The following PTPN21 variants were observed in gnomAD, a reference collection of about 807,000 sequenced individuals.
PTPN21 encodes protein tyrosine phosphatase non-receptor type 21.
PTPN21 carries 77 observed loss-of-function variants against 131.8 expected under a neutral mutation model. That is an observed-to-expected ratio of 0.58 (90% CI 0.49 to 0.71). PTPN21 has a LOEUF of 0.71. Ranked by LOEUF, PTPN21 falls within the 30% of genes least tolerant of loss-of-function variation. The probability of loss-of-function intolerance (pLI) is 0.00; values close to 1 mark genes in which losing one functional copy is unlikely to be tolerated. For synonymous variants in PTPN21, 715 were observed against 621.3 expected (o/e 1.15, Z -2.24); for missense variants, 1,552 against 1,527.1 (o/e 1.02, Z -0.27).
Position 88,479,863 on chromosome 14 carries a change from G to T in PTPN21, c.1568C>A (p.Pro523His). 1 of 1,572,626 alleles carries T rather than the reference G, an allele frequency of 6.4e-7. No homozygotes were observed. ...SLSYSFHSPSPYPYPAERRPV... is the reference protein window; with the variant it reads ...SLSYSFHSPSHYPYPAERRPV... Reference sequence around the variant, plus strand: ...CCGCCGCTCGGCAGGGTAGGGGTAGGGAGACGGGCTGTGGAAGCTGTAGCT... The same window carrying T: ...CCGCCGCTCGGCAGGGTAGGGGTAGTGAGACGGGCTGTGGAAGCTGTAGCT... The change falls in exon 13 of 19, where the codon CCC becomes CAC. Residue 523 changes from proline to histidine, a missense_variant. Transcript: ENST00000556564.
chr14:88,523,716 GACACACAC>G (rs71126989), intron 2 of PTPN21, among the ~76,000 whole-genome samples: 3,044 of 144,458 alleles, frequency 0.021, 37 homozygotes, highest in African/African-American at 0.025. Context: ...CCCCAACCGT[GACACACAC>G]ACACACACAC....
chr14:88,505,631 C>T (rs183562653), intron 4 of PTPN21, among the ~76,000 whole-genome samples: 197 of 152,196 alleles, frequency 1.3e-3, no homozygotes, highest in Non-Finnish European at 2.2e-3. Context: ...TCTCATTTTA[C>T]AGTTAAAATG....
At chr14:88,509,221 A>T (rs2078142158) in intron 3 of PTPN21, among the ~76,000 whole-genome samples, 1 of 152,128 alleles carries the variant, frequency 6.6e-6, no homozygotes, top group Non-Finnish European at 1.5e-5. Flanking sequence ...GGTCTATTAT[A>T]TGTTAAGCAT....
chr14:88,513,011 A>G (rs745387226), intron 3 of PTPN21, among the ~76,000 whole-genome samples: 2 of 152,190 alleles, frequency 1.3e-5, no homozygotes, highest in Non-Finnish European at 2.9e-5. Flanking sequence ...TATAGTCTAT[A>G]AAGAAAAGAT....
chr14:88,524,607 T>G (rs1439629999), intron 2 of PTPN21, among the ~76,000 whole-genome samples: 1 of 152,172 alleles, frequency 6.6e-6, no homozygotes, highest in Non-Finnish European at 1.5e-5. Context: ...GATAAACTTA[T>G]TTCAAAATTA....
At chr14:88,493,735 T>G (rs995206728) in intron 10 of PTPN21, among the ~76,000 whole-genome samples, 1 of 152,192 alleles carries the variant, frequency 6.6e-6, no homozygotes, top group African/African-American at 2.4e-5. Context: ...AGAAAGGTTG[T>G]GGGAATTGAG....
Position 88,506,470 on chromosome 14 carries a change from G to T in PTPN21, c.449-1099C>A, listed in dbSNP as rs192600044. Among the ~76,000 whole-genome samples the T allele has an allele frequency of 1.2e-3, 176 of 152,190 alleles. 4 individuals are homozygous for T. The highest frequency in any genetic ancestry group is 4.0e-3 in the African/African-American group (166 of 41,508). On this transcript the variant is annotated intron_variant, in intron 4 of 18. Transcript: ENST00000556564. ...TATATATGTACATTTTAAAGATGAG[G>T]TCTTGCTATGTTGCCCAGGCTGGTC...
chr14:88,509,991 G>A (rs10138061), intron 3 of PTPN21, among the ~76,000 whole-genome samples: 52,714 of 152,022 alleles, frequency 0.35, 9,698 homozygotes, highest in African/African-American at 0.48. Context: ...AGCTAAGATG[G>A]TGCCATTGCA....
Position 88,496,420 on chromosome 14 carries a change from A to G in PTPN21, c.925T>C (p.Cys309Arg), listed in dbSNP as rs746627278. 27 of 1,610,586 alleles carry G rather than the reference A, an allele frequency of 1.7e-5. No individual in the cohort carries two copies. The South Asian group carries it at 2.6e-4, about 16-fold the overall frequency. ...TGAGCAGGACATACTTACAGGTTAC[A>G]CTGGTTTAGTCTGTAAAACTTGTGT... ...ARHKFYRLNQ[C>R]NLQTQTVTVN... is the part of the protein sequence containing the mutation. Residue 309 changes from cysteine (C) to arginine (R), a missense_variant, in exon 10 of 19, where the codon TGT (cysteine) becomes CGT (arginine). Physicochemically the swap from Cys to Arg is radical, Grantham distance 180. Transcript: ENST00000556564.
rs751769485 is a variant in PTPN21, at chr14:88,479,759, T to G, written c.1672A>C (p.Met558Leu). Residue 558 changes from methionine (M) to leucine (L), a missense_variant, in exon 13 of 19, where the codon ATG (methionine) becomes CTG (leucine). Met to Leu is a conservative substitution (Grantham distance 15). Coordinates refer to ENST00000556564, the MANE Select transcript of PTPN21 (RefSeq NM_007039.4). ...QAQDYPSPNI[M>L]RTQVYRPPPP... The stretch of plus-strand genomic sequence containing the variant: ...GGTGGCCGGTACACCTGCGTCCGCA[T>G]GATGTTGGGAGACGGGTAGTCCTGC... 9 of 1,543,888 alleles carry G rather than the reference T, an allele frequency of 5.8e-6. No individual in the cohort carries two copies. The highest frequency in any genetic ancestry group is 7.8e-6 in the Non-Finnish European group (9 of 1,151,942).
rs1421000381 is a variant in PTPN21, at chr14:88,554,960, C to A, written c.-512G>T. Among the ~76,000 whole-genome samples, 1 of 151,534 alleles carries A rather than the reference C, an allele frequency of 6.6e-6. No homozygotes were observed. The highest frequency in any genetic ancestry group is 1.5e-5 in the Non-Finnish European group (1 of 67,840). On this transcript the variant is annotated 5_prime_UTR_variant, in exon 1 of 19. Transcript: ENST00000556564. The stretch of plus-strand genomic sequence containing the variant: ...CAGGAGGACGGACAGACCGTCGGAC[C>A]GACGCGGGACGCGCGGCCGGAGCAG...
At chr14:88,473,335 G>C (rs1375671117) in intron 14 of PTPN21, among the ~76,000 whole-genome samples, 1 of 152,056 alleles carries the variant, frequency 6.6e-6, no homozygotes, top group East Asian at 1.9e-4. Flanking sequence ...GTCAATGTCT[G>C]CTGCTTTTCC....
chr14:88,473,105 A>G (rs2077495940), intron 14 of PTPN21, among the ~76,000 whole-genome samples: 1 of 152,164 alleles, frequency 6.6e-6, no homozygotes, highest in African/African-American at 2.4e-5. Context: ...AATGAGTTCC[A>G]ACAGCTATGA....
At chr14:88,518,521 C>T (rs1479433919) in intron 2 of PTPN21, among the ~76,000 whole-genome samples, 32 of 137,126 alleles carry the variant, frequency 2.3e-4, no homozygotes, top group African/African-American at 8.7e-4. Context: ...ACCTCCGCTT[C>T]CCAGGTTCAA....
intron 2 of PTPN21, among the ~76,000 whole-genome samples, chr14:88,524,158 C>T (rs2139327807): frequency 6.6e-6 from 1 of 152,172 alleles, no homozygotes; most frequent in East Asian, 1.9e-4. Flanking sequence ...CAAGGGGCTC[C>T]AAATAGCCAA....
At chr14:88,487,110 A>C (rs533063834) in intron 10 of PTPN21, among the ~76,000 whole-genome samples, 1 of 152,226 alleles carries the variant, frequency 6.6e-6, no homozygotes, top group African/African-American at 2.4e-5. Context: ...AAAAAAGGAA[A>C]CAGACACAGA....
chr14:88,501,507 T>C, intron 6 of PTPN21, 139 bp from the exon 7 acceptor site: 1 of 738,478 alleles, frequency 1.4e-6, no homozygotes, highest in Non-Finnish European at 2.3e-6. Flanking sequence ...TAATTGGCTA[T>C]ATCAATCTTG....
At chr14:88,474,380 G>GGGTCTCACTATGTTGCCCAGGCT in intron 13 of PTPN21, among the ~76,000 whole-genome samples, 1 of 152,108 alleles carries the variant, frequency 6.6e-6, no homozygotes, top group South Asian at 2.1e-4. Flanking sequence ...TGTAGAGATG[G>GGGTCTCACTATGTTGCCCAGGCT]GGTCTCACTA....
chr14:88,484,680 G>A (rs939082918), intron 12 of PTPN21, among the ~76,000 whole-genome samples: 5 of 152,136 alleles, frequency 3.3e-5, no homozygotes, highest in African/African-American at 1.2e-4. Flanking sequence ...TCTGAGGTCA[G>A]GAGTTTGAGA....
Sources: allele counts gnomAD v4.1 joint callset (sites outside exome capture counted in the v4.1 genomes callset), GRCh38; gene constraint gnomAD v4.1.1; transcripts MANE v1.5; gene names NCBI Gene and HGNC (gene_info 2026-07-23, HGNC 2026-07-21).